The following RASAL2 variants were observed in gnomAD, a reference collection of about 807,000 sequenced individuals.
RASAL2 encodes the protein ras GTPase-activating protein nGAP.
RASAL2 carries 58 observed loss-of-function variants against 128.9 expected under a neutral mutation model. That is an observed-to-expected ratio of 0.45 (90% CI 0.36 to 0.56). The LOEUF (loss-of-function observed/expected upper bound fraction) is 0.56. Ranked by LOEUF, RASAL2 falls within the 20% of genes least tolerant of loss-of-function variation. RASAL2 has a pLI of 0.00. For synonymous variants in RASAL2, 561 were observed against 580.8 expected (o/e 0.97, Z 0.49); for missense variants, 1,360 against 1,601.6 (o/e 0.85, Z 2.57).
At chr1:178,210,619 G>A (rs1663218272) in intron 1 of RASAL2, among the ~76,000 whole-genome samples, 1 of 152,204 alleles carries the variant, frequency 6.6e-6, no homozygotes, top group African/African-American at 2.4e-5. Flanking sequence ...ACTGATAACA[G>A]GTGCCGCCAA....
chr1:178,175,315 T>C (rs962751753), intron 1 of RASAL2, among the ~76,000 whole-genome samples: 1 of 152,002 alleles, frequency 6.6e-6, no homozygotes, highest in South Asian at 2.1e-4. Flanking sequence ...CTGCAAGGGT[T>C]TATGATGAAA....
At chr1:178,130,915 G>A (rs990352103) in intron 1 of RASAL2, among the ~76,000 whole-genome samples, 4 of 151,976 alleles carry the variant, frequency 2.6e-5, no homozygotes, top group Non-Finnish European at 2.9e-5. Flanking sequence ...TTAGCCGGGC[G>A]CGGTGGTGGG....
At chr1:178,405,842 G>T (rs1235755775) in intron 4 of RASAL2, among the ~76,000 whole-genome samples, 1 of 152,214 alleles carries the variant, frequency 6.6e-6, no homozygotes, top group Admixed American at 6.5e-5. Context: ...GTTTAGGTGA[G>T]TATAGTACCT....
chr1:178,383,447 C>T (rs892770444), intron 3 of RASAL2, among the ~76,000 whole-genome samples: 3 of 152,094 alleles, frequency 2.0e-5, no homozygotes, highest in African/African-American at 7.2e-5. Flanking sequence ...TGTTAGCAGC[C>T]GTATAAATGC....
At chr1:178,334,429 C>T (rs1251591036) in intron 3 of RASAL2, among the ~76,000 whole-genome samples, 1 of 151,884 alleles carries the variant, frequency 6.6e-6, no homozygotes, top group Non-Finnish European at 1.5e-5. Flanking sequence ...ACCTCCACCT[C>T]CTGGGTTCAA....
chr1:178,335,108 G>A (rs1469119624), intron 3 of RASAL2, among the ~76,000 whole-genome samples: 1 of 151,956 alleles, frequency 6.6e-6, no homozygotes, highest in Non-Finnish European at 1.5e-5. Context: ...TATCCTAATG[G>A]ATCAGAAGTA....
chr1:178,323,715 TATTA>T (rs1407848718), intron 3 of RASAL2, among the ~76,000 whole-genome samples: 9 of 152,218 alleles, frequency 5.9e-5, no homozygotes, highest in Admixed American at 4.6e-4. Flanking sequence ...AAATCACTTT[TATTA>T]ATTTCTTATA....
At position 178,457,662 on chromosome 1, in the gene RASAL2, G is replaced by A. The variant is rs368891763; in HGVS notation, c.2391-21G>A. ...TTGAAGTTGTCTCAAGAGAAATTAA[G>A]TGTCCTTTCCTTTTCCACAGTGATT... On this transcript the variant is annotated intron_variant, in intron 13 of 17. Transcript: ENST00000367649. 78 of 1,601,226 alleles carry A rather than the reference G, an allele frequency of 4.9e-5. 1 individual carries two copies. In the African/African-American group the frequency reaches 8.8e-4, roughly 18 times the overall value.
intron 1 of RASAL2, among the ~76,000 whole-genome samples, chr1:178,125,912 G>A (rs1385264883): frequency 6.6e-6 from 1 of 152,084 alleles, no homozygotes; most frequent in Non-Finnish European, 1.5e-5. Flanking sequence ...ACATATTTTT[G>A]GCCAATTGGC....
At chr1:178,328,918 T>G (rs1246053756) in intron 3 of RASAL2, among the ~76,000 whole-genome samples, 1 of 152,198 alleles carries the variant, frequency 6.6e-6, no homozygotes, top group Non-Finnish European at 1.5e-5. Flanking sequence ...TCTCTTCTCT[T>G]CCTCTCCCCA....
At chr1:178,267,622 C>CT (rs1282624626) in intron 1 of RASAL2, among the ~76,000 whole-genome samples, 10,980 of 120,452 alleles carry the variant, frequency 0.091, 1,218 homozygotes, top group African/African-American at 0.24. Context: ...GATCTAGTGT[C>CT]TTTTTTTTTT....
intron 1 of RASAL2, among the ~76,000 whole-genome samples, chr1:178,111,726 C>CTATTT (rs926687470): frequency 2.0e-5 from 3 of 151,920 alleles, no homozygotes; most frequent in Non-Finnish European, 2.9e-5. Flanking sequence ...AATCTTTTGT[C>CTATTT]TATTTTATTT....
At chr1:178,374,167 A>T (rs1362509348) in intron 3 of RASAL2, among the ~76,000 whole-genome samples, 1 of 152,152 alleles carries the variant, frequency 6.6e-6, no homozygotes, top group Non-Finnish European at 1.5e-5. Flanking sequence ...CAGGAATTTT[A>T]CTGAGCTCCT....
chr1:178,214,350 G>T, intron 1 of RASAL2, among the ~76,000 whole-genome samples: 1 of 152,146 alleles, frequency 6.6e-6, no homozygotes, highest in South Asian at 2.1e-4. Flanking sequence ...CTTGTGTCTT[G>T]TAGTAGTAGT....
At chr1:178,196,063 A>C (rs577363054) in intron 1 of RASAL2, among the ~76,000 whole-genome samples, 2 of 152,272 alleles carry the variant, frequency 1.3e-5, no homozygotes, top group Admixed American at 6.5e-5. Flanking sequence ...ATCAAATGAA[A>C]ATATAAATGA....
chr1:178,248,432 T>C (rs1372910074), intron 1 of RASAL2, among the ~76,000 whole-genome samples: 4 of 151,984 alleles, frequency 2.6e-5, no homozygotes, highest in South Asian at 4.1e-4. Flanking sequence ...TTTGAGCCCA[T>C]GTGTGTCTTT....
intron 1 of RASAL2, among the ~76,000 whole-genome samples, chr1:178,269,755 AT>A (rs1393774494): frequency 5.9e-5 from 9 of 152,168 alleles, no homozygotes; most frequent in Non-Finnish European, 1.0e-4. Context: ...AACCATAAAA[AT>A]GGGCAACCAG....
chr1:178,441,994 C>CGA (rs897774012), intron 7 of RASAL2, among the ~76,000 whole-genome samples: 2 of 151,674 alleles, frequency 1.3e-5, no homozygotes, highest in Non-Finnish European at 2.9e-5. Context: ...CAGGAGCAAG[C>CGA]GAGAGAGAGA....
intron 3 of RASAL2, among the ~76,000 whole-genome samples, chr1:178,352,113 A>G (rs1474844898): frequency 6.6e-6 from 1 of 152,248 alleles, no homozygotes; most frequent in East Asian, 1.9e-4. Flanking sequence ...TGTTAACATC[A>G]CACATAGGAA....
Sources: allele counts gnomAD v4.1 joint callset (sites outside exome capture counted in the v4.1 genomes callset), GRCh38; gene constraint gnomAD v4.1.1; transcripts MANE v1.5; gene names NCBI Gene and HGNC (gene_info 2026-07-23, HGNC 2026-07-21).